The following ABAT variants were observed in gnomAD, a reference collection of about 807,000 sequenced individuals.
ABAT encodes 4-aminobutyrate aminotransferase, also known as 4-aminobutyrate aminotransferase, mitochondrial.
Under a neutral mutation model 64.6 loss-of-function variants are expected in ABAT, and 45 were observed. The observed-to-expected ratio is 0.70, with a 90% CI of 0.55 to 0.89. The LOEUF (loss-of-function observed/expected upper bound fraction) is 0.89. Among genes scored for constraint, ABAT ranks in the 40% least tolerant of loss-of-function variants. The pLI, the probability that ABAT is intolerant of heterozygous loss-of-function variation, is 0.00. For synonymous variants in ABAT, 297 were observed against 250.5 expected (o/e 1.19, Z -1.75); for missense variants, 633 against 658.4 (o/e 0.96, Z 0.42).
chr16:8,756,790 G>C (rs12102631), intron 5 of ABAT, among the ~76,000 whole-genome samples: 14,215 of 152,228 alleles, frequency 0.093, 955 homozygotes, highest in African/African-American at 0.18. Flanking sequence ...TTCAAGTCTT[G>C]AGATATGAGA....
At chr16:8,737,981 G>GAAGA (rs1182015919) in intron 2 of ABAT, among the ~76,000 whole-genome samples, 1 of 2,362 alleles carries the variant, frequency 4.2e-4, no homozygotes, top group African/African-American at 1.2e-3. Context: ...AGGAAGGAAG[G>GAAGA]AAGGAAGGAG....
At chr16:8,718,518 C>A (rs2058275433) in intron 1 of ABAT, among the ~76,000 whole-genome samples, 1 of 152,156 alleles carries the variant, frequency 6.6e-6, no homozygotes, top group South Asian at 2.1e-4. Context: ...GCTGAAACTC[C>A]ATGATTGAAT....
intron 1 of ABAT, among the ~76,000 whole-genome samples, chr16:8,692,231 A>T (rs2057599979): frequency 6.6e-6 from 1 of 152,172 alleles, no homozygotes; most frequent in Non-Finnish European, 1.5e-5. Flanking sequence ...AAATAAAAAA[A>T]TTAGCCAGGC....
At chr16:8,751,210 C>T (rs1188348037) in intron 5 of ABAT, among the ~76,000 whole-genome samples, 3 of 152,028 alleles carry the variant, frequency 2.0e-5, no homozygotes, top group African/African-American at 7.2e-5. Context: ...CAGCCTCCCA[C>T]AGTGCTGGGA....
chr16:8,743,168 T>G (rs2059215085), intron 2 of ABAT, among the ~76,000 whole-genome samples: 1 of 151,648 alleles, frequency 6.6e-6, no homozygotes, highest in Non-Finnish European at 1.5e-5. Flanking sequence ...TAACGGTACT[T>G]TATGTTCAAA....
intron 1 of ABAT, among the ~76,000 whole-genome samples, chr16:8,712,578 C>T (rs2058100741): frequency 6.6e-6 from 1 of 152,144 alleles, no homozygotes; most frequent in South Asian, 2.1e-4. Flanking sequence ...AAAGATCCTT[C>T]CAGGTTCCCA....
At position 8,750,400 on chromosome 16, in the gene ABAT, GTTGGTCTT is replaced by G; in HGVS notation, c.199-19_199-12del. 2 of 1,599,868 alleles carry G rather than the reference GTTGGTCTT, an allele frequency of 1.3e-6. No individual in the cohort carries two copies. Among genetic ancestry groups the G allele is most frequent in the Non-Finnish European group, 1.7e-6 (2 of 1,167,060 alleles). On this transcript the variant is annotated splice_polypyrimidine_tract_variant and intron_variant, in intron 4 of 15. Transcript: ENST00000268251. ...ATCTAGGGAGTGGCAGTGAGCCTGA[GTTGGTCTT>G]TTCTTTCTCCAAGAATGCAGAGGCT...
At position 8,736,028 on chromosome 16, in the gene ABAT, A is replaced by G. The variant is rs577531462; in HGVS notation, c.70+219A>G. On this transcript the variant is annotated intron_variant, in intron 2 of 15. Transcript: ENST00000268251. Reference sequence around the variant, plus strand: ...AGAGGTTTAATGGTCTCACAGTTTCATATGGCTGGGGAGGCCTCACAATCA... The same window carrying G: ...AGAGGTTTAATGGTCTCACAGTTTCGTATGGCTGGGGAGGCCTCACAATCA... 5.5e-6 allele frequency: 3 copies of G among 546,598 alleles called. No individual in the cohort carries two copies. The African/African-American group carries it at 5.7e-5, about 10-fold the overall frequency. The allele number at this position is 546,598 out of a possible 1,614,324, so 33.9% of individuals were successfully genotyped here.
At chr16:8,733,367 G>C (rs979365504) in intron 1 of ABAT, among the ~76,000 whole-genome samples, 5 of 151,218 alleles carry the variant, frequency 3.3e-5, no homozygotes, top group Admixed American at 3.3e-4. Context: ...CAGGCCGAGG[G>C]GCTCCTCACA....
intron 4 of ABAT, among the ~76,000 whole-genome samples, chr16:8,750,199 G>A (rs199679077): frequency 7.9e-6 from 1 of 126,068 alleles, no homozygotes; most frequent in East Asian, 2.4e-4. Context: ...AACACATACA[G>A]AAAAATTCAT....
At chr16:8,748,181 A>G in intron 4 of ABAT, 44 bp downstream of exon 4, 1 of 1,570,600 alleles carries the variant, frequency 6.4e-7, no homozygotes, top group East Asian at 2.2e-5. Flanking sequence ...CTTCTTTATC[A>G]CAATTGAGCT....
At chr16:8,691,770 G>A (rs914778867) in intron 1 of ABAT, among the ~76,000 whole-genome samples, 1 of 152,190 alleles carries the variant, frequency 6.6e-6, no homozygotes, top group Non-Finnish European at 1.5e-5. Context: ...GTCTGGAGAT[G>A]CTTTTGGTTG....
intron 1 of ABAT, among the ~76,000 whole-genome samples, chr16:8,703,667 C>G (rs1304913039): frequency 1.3e-5 from 2 of 152,120 alleles, no homozygotes; most frequent in East Asian, 3.9e-4. Context: ...TGTGTCCGTT[C>G]TCTAAAAACT....
At position 8,781,728 on chromosome 16, in the gene ABAT, C is replaced by T. The variant is rs737694; in HGVS notation, c.*298C>T. ...AGGTCCTGGCTAGAGTTCTGCCCAA[C>T]CTTGACCAACCCCAGCAATTTTTCC... On this transcript the variant is annotated 3_prime_UTR_variant, in exon 16 of 16. Transcript: ENST00000268251. The surrounding 1 kb of genome is among the most constrained non-coding windows in gnomAD (Gnocchi z 4.5). 14,645 of 478,400 alleles carry T rather than the reference C, an allele frequency of 0.031. 468 individuals carry two copies. Among genetic ancestry groups the T allele is most frequent in the African/African-American group, 0.1 (5,370 of 51,200 alleles). 29.6% of individuals were successfully genotyped at this position (478,400 alleles called of 1,614,324 possible).
intron 1 of ABAT, among the ~76,000 whole-genome samples, chr16:8,688,962 C>G (rs1329889485): frequency 6.6e-6 from 1 of 152,086 alleles, no homozygotes; most frequent in Non-Finnish European, 1.5e-5. Flanking sequence ...TGCCTTTAGT[C>G]CCAGCTACTT....
chr16:8,776,421 G>C lies in ABAT; in HGVS notation c.1200G>C (p.Lys400Asn), dbSNP rs2060264435. The C allele has an allele frequency of 1.2e-6, 2 of 1,614,106 alleles. No homozygotes were observed. Among genetic ancestry groups the C allele is most frequent in the Admixed American group, 1.7e-5 (1 of 60,004 alleles). Residue 400 changes from lysine (K) to asparagine (N), a missense_variant, in exon 14 of 16, where the codon AAG (lysine) becomes AAC (asparagine). Transcript: ENST00000268251. The surrounding 1 kb of genome is among the most constrained non-coding windows in gnomAD (Gnocchi z 4.4). ...TGGCTGAGGTCATCAACATCATCAAGCGGGAGGACCTGCTAAATAATGCAG... is the reference window on the plus strand; with the variant it reads ...TGGCTGAGGTCATCAACATCATCAACCGGGAGGACCTGCTAAATAATGCAG... ...LLLAEVINII[K>N]REDLLNNAAH...
intron 1 of ABAT, among the ~76,000 whole-genome samples, chr16:8,696,335 G>A (rs2057701094): frequency 6.6e-6 from 1 of 152,058 alleles, no homozygotes; most frequent in African/African-American, 2.4e-5. Context: ...AAAAATTTTG[G>A]GATCAGGCTA....
chr16:8,738,885 T>A (rs1004418616), intron 2 of ABAT, among the ~76,000 whole-genome samples: 1 of 152,212 alleles, frequency 6.6e-6, no homozygotes, highest in East Asian at 1.9e-4. Context: ...CCTCAAGTGA[T>A]CCACCCATCT....
At chr16:8,747,388 A>G (rs911373017) in intron 3 of ABAT, among the ~76,000 whole-genome samples, 2 of 152,200 alleles carry the variant, frequency 1.3e-5, no homozygotes, top group Non-Finnish European at 2.9e-5. Context: ...TTGTACTAAT[A>G]TAAGTGATTG....
Sources: allele counts gnomAD v4.1 joint callset (sites outside exome capture counted in the v4.1 genomes callset), GRCh38; gene constraint gnomAD v4.1.1; non-coding constraint Gnocchi (gnomAD v3.1); transcripts MANE v1.5; gene names NCBI Gene and HGNC (gene_info 2026-07-23, HGNC 2026-07-21).